LHFPL3: variants seen among roughly 807,000 people sequenced by gnomAD.
LHFPL3 encodes LHFPL tetraspan subfamily member 3 protein.
Under a neutral mutation model 19.3 loss-of-function variants are expected in LHFPL3, and 5 were observed. The ratio of observed to expected loss-of-function variants is 0.26; its 90% CI spans 0.14 to 0.54. The LOEUF is 0.54. Among genes scored for constraint, LHFPL3 ranks in the 20% least tolerant of loss-of-function variants. The pLI is 0.94. For missense variants in LHFPL3, 249 were observed against 307.4 expected, an observed-to-expected ratio of 0.81 and a Z score of 1.42; for synonymous variants, 133 against 126.2, an observed-to-expected ratio of 1.05 and a Z score of -0.36.
chr7:104,684,476 C>G (rs975471185), intron 1 of LHFPL3, among the ~76,000 whole-genome samples: 1 of 152,184 alleles, frequency 6.6e-6, no homozygotes, highest in African/African-American at 2.4e-5. Flanking sequence ...TAGCTGTGTT[C>G]CAATAAAACT....
chr7:104,656,725 C>G (rs1253479960), intron 1 of LHFPL3, among the ~76,000 whole-genome samples: 1 of 152,216 alleles, frequency 6.6e-6, no homozygotes. Context: ...CCAGAATTCT[C>G]CAGGACCTGA....
chr7:104,776,076 A>G (rs1410936650), intron 2 of LHFPL3, among the ~76,000 whole-genome samples: 1 of 152,214 alleles, frequency 6.6e-6, no homozygotes, highest in East Asian at 1.9e-4. Context: ...AAGCCAAAGA[A>G]TGGTATAACG....
At chr7:104,606,382 A>G (rs1027608494) in intron 1 of LHFPL3, among the ~76,000 whole-genome samples, 5 of 152,228 alleles carry the variant, frequency 3.3e-5, no homozygotes, top group Non-Finnish European at 7.3e-5. Flanking sequence ...ATGTCTACAG[A>G]CAACACCTAG....
intron 2 of LHFPL3, among the ~76,000 whole-genome samples, chr7:104,842,992 T>G (rs1791242184): frequency 6.6e-6 from 1 of 152,232 alleles, no homozygotes; most frequent in Non-Finnish European, 1.5e-5. Flanking sequence ...CTATAATCTG[T>G]GTCCTTGAAA....
intron 1 of LHFPL3, among the ~76,000 whole-genome samples, chr7:104,536,819 C>G (rs992497803): frequency 6.6e-6 from 1 of 152,178 alleles, no homozygotes; most frequent in Admixed American, 6.5e-5. Flanking sequence ...TCCACTAATT[C>G]AAGCCAATAC....
intron 1 of LHFPL3, among the ~76,000 whole-genome samples, chr7:104,381,400 A>G (rs1160211525): frequency 6.6e-6 from 1 of 152,202 alleles, no homozygotes; most frequent in Non-Finnish European, 1.5e-5. Context: ...GCTATTCACT[A>G]CATAAAGATC....
intron 1 of LHFPL3, among the ~76,000 whole-genome samples, chr7:104,581,869 C>T (rs2891725): frequency 0.92 from 139,321 of 152,020 alleles, 64,216 homozygotes; most frequent in East Asian, 0.97. Flanking sequence ...CATTACCACA[C>T]TGTCTTGATT....
At chr7:104,397,817 G>T (rs1222547348) in intron 1 of LHFPL3, among the ~76,000 whole-genome samples, 1 of 152,220 alleles carries the variant, frequency 6.6e-6, no homozygotes, top group African/African-American at 2.4e-5. Context: ...TTTGGAGGAA[G>T]TGTGGGGGAA....
chr7:104,377,991 C>T (rs1790749434), intron 1 of LHFPL3, among the ~76,000 whole-genome samples: 1 of 152,140 alleles, frequency 6.6e-6, no homozygotes, highest in Non-Finnish European at 1.5e-5. Flanking sequence ...AACTTTCTTT[C>T]TACCTATTCT....
intron 1 of LHFPL3, among the ~76,000 whole-genome samples, chr7:104,592,920 C>T (rs1790757249): frequency 6.6e-6 from 1 of 152,192 alleles, no homozygotes; most frequent in South Asian, 2.1e-4. Context: ...AGGTTATAAT[C>T]TCCCGGTGTG....
In LHFPL3 at chr7:104,513,094, A is replaced by G. The variant is rs556122295; in HGVS notation, c.445+183870A>G. ...AAAAATAAAATATGTATTAAAATAA[A>G]AACCATCTAGAGGCTATGTGCCAAG... On this transcript the variant is annotated intron_variant, in intron 1 of 2. Coordinates refer to ENST00000424859, the MANE Select transcript of LHFPL3 (RefSeq NM_199000.3). 5.9e-5 allele frequency among the ~76,000 whole-genome samples: 9 copies of G among 152,350 alleles called. No homozygotes were observed. The South Asian group carries it at 1.5e-3, about 25-fold the overall frequency.
intron 1 of LHFPL3, among the ~76,000 whole-genome samples, chr7:104,683,084 G>C (rs975186774): frequency 3.3e-5 from 5 of 152,170 alleles, no homozygotes; most frequent in Non-Finnish European, 5.9e-5. Flanking sequence ...CCACCTCCCG[G>C]GTTCAAGCAA....
chr7:104,811,469 G>A (rs755523240), intron 2 of LHFPL3, among the ~76,000 whole-genome samples: 2 of 152,074 alleles, frequency 1.3e-5, no homozygotes, highest in East Asian at 3.8e-4. Flanking sequence ...CCAAAGTGTT[G>A]GGATTGCAGG....
intron 1 of LHFPL3, among the ~76,000 whole-genome samples, chr7:104,714,566 C>A (rs1298818855): frequency 6.0e-5 from 9 of 151,052 alleles, no homozygotes; most frequent in African/African-American, 9.7e-5. Flanking sequence ...GTCAGTGCCT[C>A]GGAGTTCATA....
chr7:104,665,760 T>C lies in LHFPL3; in HGVS notation c.446-70915T>C, dbSNP rs1286829555. Among the ~76,000 whole-genome samples, 3 of 152,230 alleles carry C rather than the reference T, an allele frequency of 2.0e-5. No homozygotes were observed. In the East Asian group the frequency reaches 5.8e-4, roughly 29 times the overall value. ...AGATGACCTATCTCTAATGGACTTG[T>C]AGATGAGGAGGAAATTGACCTGTTT... is the stretch of plus-strand genomic sequence containing the variant. On this transcript the variant is annotated intron_variant, in intron 1 of 2. Coordinates refer to ENST00000424859, the MANE Select transcript of LHFPL3 (RefSeq NM_199000.3).
intron 1 of LHFPL3, among the ~76,000 whole-genome samples, chr7:104,655,886 G>A (rs1020033742): frequency 6.6e-6 from 1 of 152,064 alleles, no homozygotes. Context: ...TAGTTATTAT[G>A]TTTTTGTTGC....
intron 1 of LHFPL3, among the ~76,000 whole-genome samples, chr7:104,733,304 C>G (rs1793739457): frequency 6.6e-6 from 1 of 152,108 alleles, no homozygotes; most frequent in Non-Finnish European, 1.5e-5. Context: ...TCGTTTCTGT[C>G]TAATGTAGAG....
chr7:104,595,552 C>T (rs141767930), intron 1 of LHFPL3, among the ~76,000 whole-genome samples: 22 of 152,332 alleles, frequency 1.4e-4, no homozygotes, highest in African/African-American at 4.3e-4. Context: ...TTTCCGTTCT[C>T]AGAGCTCAAA....
intron 1 of LHFPL3, among the ~76,000 whole-genome samples, chr7:104,685,076 T>C (rs575688564): frequency 2.0e-5 from 3 of 152,340 alleles, no homozygotes; most frequent in Non-Finnish European, 2.9e-5. Flanking sequence ...TATTTACTAT[T>C]GTTACCACTA....
Sources: allele counts gnomAD v4.1 joint callset (sites outside exome capture counted in the v4.1 genomes callset), GRCh38; gene constraint gnomAD v4.1.1; transcripts MANE v1.5; gene names NCBI Gene and HGNC (gene_info 2026-07-23, HGNC 2026-07-21).